The following MGAT4C variants were observed in gnomAD, a reference collection of about 807,000 sequenced individuals.
MGAT4C encodes the protein MGAT4 family member C.
Under a neutral mutation model 40.1 loss-of-function variants are expected in MGAT4C, and 19 were observed. That is an observed-to-expected ratio of 0.47 (90% CI 0.33 to 0.70). The LOEUF (loss-of-function observed/expected upper bound fraction) is 0.70, where lower values mean the gene tolerates loss of function less well. Ranked by LOEUF, MGAT4C falls within the 30% of genes least tolerant of loss-of-function variation. The pLI, the probability that MGAT4C is intolerant of heterozygous loss-of-function variation, is 0.02. For synonymous variants in MGAT4C, 181 were observed against 187.1 expected (o/e 0.97, Z 0.27); for missense variants, 491 against 563.2 (o/e 0.87, Z 1.30).
intron 1 of MGAT4C, among the ~76,000 whole-genome samples, chr12:86,215,691 C>T (rs1593257957): frequency 6.6e-6 from 1 of 152,128 alleles, no homozygotes; most frequent in Non-Finnish European, 1.5e-5. Context: ...ACGTTTTTAG[C>T]AACTCATGAC....
At chr12:86,050,466 A>C (rs1362674414) in intron 1 of MGAT4C, among the ~76,000 whole-genome samples, 1 of 152,094 alleles carries the variant, frequency 6.6e-6, no homozygotes, top group African/African-American at 2.4e-5. Context: ...TTTTCCCACT[A>C]TACATAAACA....
At chr12:86,826,611 TA>T (rs1173493024) in intron 1 of MGAT4C, among the ~76,000 whole-genome samples, 1 of 151,408 alleles carries the variant, frequency 6.6e-6, no homozygotes, top group Non-Finnish European at 1.5e-5. Context: ...TTTTTATCCA[TA>T]AGAATGTAAC....
At chr12:86,074,877 A>G (rs766297898) in intron 1 of MGAT4C, among the ~76,000 whole-genome samples, 14 of 152,142 alleles carry the variant, frequency 9.2e-5, no homozygotes, top group Non-Finnish European at 1.8e-4. Context: ...CCATGATTCA[A>G]TTATCTCCTA....
At chr12:86,580,734 T>C (rs1336778385) in intron 2 of MGAT4C, among the ~76,000 whole-genome samples, 1 of 151,488 alleles carries the variant, frequency 6.6e-6, no homozygotes, top group African/African-American at 2.4e-5. Context: ...TAAGAAGACA[T>C]ATACCAGTTA....
At chr12:86,725,819 A>C (rs1950813247) in intron 2 of MGAT4C, among the ~76,000 whole-genome samples, 2 of 152,210 alleles carry the variant, frequency 1.3e-5, no homozygotes, top group South Asian at 4.1e-4. Flanking sequence ...TGTGATTAAA[A>C]TACAGTAGAC....
intron 1 of MGAT4C, among the ~76,000 whole-genome samples, chr12:86,174,405 T>A (rs1433326820): frequency 6.6e-6 from 1 of 152,098 alleles, no homozygotes; most frequent in East Asian, 1.9e-4. Flanking sequence ...TTAATTTTGT[T>A]GTGTTATGTG....
intron 3 of MGAT4C, among the ~76,000 whole-genome samples, chr12:86,383,289 C>T (rs751963140): frequency 5.3e-5 from 8 of 151,790 alleles, no homozygotes; most frequent in African/African-American, 9.7e-5. Context: ...CAGTGGCTCA[C>T]GCCTGTAATC....
chr12:86,309,196 A>T (rs1954010580), intron 4 of MGAT4C, among the ~76,000 whole-genome samples: 1 of 142,954 alleles, frequency 7.0e-6, no homozygotes, highest in Admixed American at 6.7e-5. Context: ...TTTCTTTATA[A>T]AGCCCTAAAT....
At chr12:86,260,116 G>A (rs1361215726), upstream of MGAT4C, among the ~76,000 whole-genome samples, 2 of 151,982 alleles carry the variant, frequency 1.3e-5, no homozygotes, top group Non-Finnish European at 2.9e-5. Context: ...AAAAATGGAA[G>A]GACAAGTTGG....
chr12:86,400,640 A>T (rs941128230), intron 3 of MGAT4C, among the ~76,000 whole-genome samples: 1 of 152,220 alleles, frequency 6.6e-6, no homozygotes, highest in Non-Finnish European at 1.5e-5. Flanking sequence ...AACATGAGAA[A>T]GTAACATCAT....
intron 4 of MGAT4C, among the ~76,000 whole-genome samples, chr12:86,294,749 G>T (rs1432065817): frequency 2.0e-5 from 3 of 152,106 alleles, no homozygotes; most frequent in African/African-American, 7.2e-5. Flanking sequence ...TCTTGTCCCA[G>T]TATCAGCAGA....
At chr12:86,019,515 A>C (rs1889438035) in intron 2 of MGAT4C, among the ~76,000 whole-genome samples, 1 of 152,144 alleles carries the variant, frequency 6.6e-6, no homozygotes, top group African/African-American at 2.4e-5. Flanking sequence ...TTGGTTAAGC[A>C]ATTAATATTG....
chr12:86,637,027 A>C (rs1045250390), intron 2 of MGAT4C, among the ~76,000 whole-genome samples: 1 of 151,894 alleles, frequency 6.6e-6, no homozygotes, highest in Non-Finnish European at 1.5e-5. Context: ...CCCTGTAGCA[A>C]GTAGAAGGAG....
At chr12:86,579,210 T>A (rs1960679747) in intron 2 of MGAT4C, among the ~76,000 whole-genome samples, 1 of 151,532 alleles carries the variant, frequency 6.6e-6, no homozygotes, top group Admixed American at 6.6e-5. Context: ...TCTGATTGTT[T>A]TGTGGTCTTC....
chr12:86,301,681 T>C (rs1286567888), intron 4 of MGAT4C, among the ~76,000 whole-genome samples: 1 of 152,230 alleles, frequency 6.6e-6, no homozygotes, highest in East Asian at 1.9e-4. Flanking sequence ...AGGATGACTG[T>C]ACAATTCTGT....
intron 3 of MGAT4C, among the ~76,000 whole-genome samples, chr12:86,417,028 T>G (rs923699908): frequency 6.6e-6 from 1 of 152,128 alleles, no homozygotes; most frequent in African/African-American, 2.4e-5. Flanking sequence ...CATTTCTATT[T>G]TTTTAAGCCA....
intron 2 of MGAT4C, among the ~76,000 whole-genome samples, chr12:86,595,961 T>C (rs964088661): frequency 9.2e-5 from 14 of 152,104 alleles, no homozygotes; most frequent in Non-Finnish European, 1.5e-4. Context: ...AAATGACTCT[T>C]CCCACCCCGT....
chr12:86,086,163 G>T (rs1473246043), intron 1 of MGAT4C, among the ~76,000 whole-genome samples: 1 of 152,114 alleles, frequency 6.6e-6, no homozygotes, highest in Non-Finnish European at 1.5e-5. Flanking sequence ...ATGTTAGACT[G>T]CATAAAGAAA....
At chr12:86,273,090 C>G (rs565643559) in intron 4 of MGAT4C, among the ~76,000 whole-genome samples, 12 of 152,010 alleles carry the variant, frequency 7.9e-5, no homozygotes, top group African/African-American at 2.9e-4. Context: ...GTGTAGATAG[C>G]ATGTTAGCAA....
Sources: allele counts gnomAD v4.1 joint callset (sites outside exome capture counted in the v4.1 genomes callset), GRCh38; gene constraint gnomAD v4.1.1; transcripts MANE v1.5; gene names NCBI Gene and HGNC (gene_info 2026-07-23, HGNC 2026-07-21).